ALLC: variants seen among roughly 807,000 people sequenced by gnomAD.
The protein encoded by ALLC is allantoicase, also known as probable inactive allantoicase.
ALLC carries 40 observed loss-of-function variants against 45.0 expected under a neutral mutation model. That is an observed-to-expected ratio of 0.89 (90% CI 0.69 to 1.16). The LOEUF (loss-of-function observed/expected upper bound fraction) is 1.16. ALLC is among the 50% of genes most tolerant of loss of function. The probability of loss-of-function intolerance (pLI) is 0.00; values close to 1 mark genes in which losing one functional copy is unlikely to be tolerated. For missense variants in ALLC, 488 were observed against 493.1 expected (o/e 0.99, Z 0.10); for synonymous variants, 176 against 178.1 (o/e 0.99, Z 0.09).
chr2:3,660,823 G>A (rs1442023073), intron 1 of ALLC, among the ~76,000 whole-genome samples: 2 of 151,292 alleles, frequency 1.3e-5, no homozygotes, highest in Non-Finnish European at 3.0e-5. Flanking sequence ...GCAGGAAATC[G>A]GAATGAGTCA....
At chr2:3,650,253 A>G in the ALLC span, among the ~76,000 whole-genome samples, 1 of 152,168 alleles carries the variant, frequency 6.6e-6, no homozygotes, top group African/African-American at 2.4e-5. Flanking sequence ...GGAATTAGAT[A>G]GCAAAGCCCT....
chr2:3,690,103 T>C (rs1173169493), intron 7 of ALLC, among the ~76,000 whole-genome samples: 1 of 149,154 alleles, frequency 6.7e-6, no homozygotes, highest in African/African-American at 2.4e-5. Flanking sequence ...GTGGGTTTCT[T>C]GTAGGCAGCA....
At chr2:3,682,380 T>A (rs933249344) in intron 6 of ALLC, among the ~76,000 whole-genome samples, 1 of 152,316 alleles carries the variant, frequency 6.6e-6, no homozygotes, top group South Asian at 2.1e-4. Context: ...TGTCCTTCAT[T>A]TGCAAGCATC....
the ALLC span, among the ~76,000 whole-genome samples, chr2:3,651,237 G>T: frequency 6.6e-6 from 1 of 150,476 alleles, no homozygotes; most frequent in Non-Finnish European, 1.5e-5. Flanking sequence ...ACACAGGCGC[G>T]GGGAGGTTTG....
chr2:3,671,055 C>G, intron 1 of ALLC, 41 bp from the exon 2 acceptor site: 3 of 1,277,748 alleles, frequency 2.3e-6, no homozygotes, highest in Non-Finnish European at 3.3e-6. Flanking sequence ...CACTCACTCC[C>G]GCAGCCCCCA....
rs2147997939 is a variant in ALLC at position 3,671,146 on chromosome 2, T to C, written c.-12T>C. The C allele has an allele frequency of 3.1e-6, 5 of 1,610,776 alleles. No individual in the cohort carries two copies. The highest frequency in any genetic ancestry group is 4.2e-6 in the Non-Finnish European group (5 of 1,178,658). On this transcript the variant is annotated 5_prime_UTR_variant, in exon 2 of 12. Transcript: ENST00000252505. ...GGGAAGACTGACCCGGTTTCTGGAC[T>C]TCACCCAGCTGATGGACATGGCATC...
chr2:3,681,371 G>A (rs1281251905), intron 5 of ALLC, among the ~76,000 whole-genome samples: 1 of 152,176 alleles, frequency 6.6e-6, no homozygotes, highest in Non-Finnish European at 1.5e-5. Flanking sequence ...ACTTGTTGAA[G>A]TTTGAGCTAA....
chr2:3,695,773 A>G lies in ALLC; in HGVS notation c.568A>G (p.Thr190Ala). ...FGTGQKDWTA[T>A]DPKEPADLVA... ...TACTGGACAAAAAGACTGGACTGCA[A>G]CTGACCCCAAAGAACCTGCAGACCT... Residue 190 changes from threonine (T) to alanine (A), a missense_variant, in exon 8 of 12, where the codon ACT becomes GCT. Transcript: ENST00000252505. 2 of 1,614,064 alleles carry G rather than the reference A, an allele frequency of 1.2e-6. No homozygotes were observed. The highest frequency in any genetic ancestry group is 1.7e-6 in the Non-Finnish European group (2 of 1,179,904).
intron 7 of ALLC, among the ~76,000 whole-genome samples, chr2:3,693,416 G>A (rs1467474309): frequency 6.6e-6 from 1 of 152,220 alleles, no homozygotes; most frequent in African/African-American, 2.4e-5. Flanking sequence ...AACAGTGCAA[G>A]AAAATGAATG....
chr2:3,690,094 T>C (rs1330128813), intron 7 of ALLC, among the ~76,000 whole-genome samples: 1 of 149,096 alleles, frequency 6.7e-6, no homozygotes, highest in Non-Finnish European at 1.5e-5. Context: ...ATAGGTCAAG[T>C]GGGTTTCTTG....
intron 7 of ALLC, among the ~76,000 whole-genome samples, chr2:3,693,718 G>A (rs1277602379): frequency 6.6e-6 from 1 of 152,178 alleles, no homozygotes; most frequent in African/African-American, 2.4e-5. Flanking sequence ...TAACCCAGTG[G>A]GAGACAGATA....
upstream of ALLC, among the ~76,000 whole-genome samples, chr2:3,656,497 CAG>C (rs373208671): frequency 4.7e-4 from 71 of 152,378 alleles, no homozygotes; most frequent in African/African-American, 1.6e-3. Flanking sequence ...CCTCATAAGA[CAG>C]AGCATCCAAA....
At chr2:3,660,906 C>CTGAATGAGTCAGGGTGGAGCAGGTG (rs1558532936) in intron 1 of ALLC, among the ~76,000 whole-genome samples, 5 of 151,776 alleles carry the variant, frequency 3.3e-5, no homozygotes, top group South Asian at 2.1e-4. Flanking sequence ...AGCAGGTGAT[C>CTGAATGAGTCAGGGTGGAGCAGGTG]AAAAAAGGTT....
the ALLC span, among the ~76,000 whole-genome samples, chr2:3,650,792 AG>A: frequency 6.6e-6 from 1 of 152,112 alleles, no homozygotes; most frequent in Non-Finnish European, 1.5e-5. Context: ...GGCTTCATGG[AG>A]GGGAGTCTGT....
chr2:3,701,687 TA>T, intron 11 of ALLC, 51 bp downstream of exon 11: 2 of 1,548,898 alleles, frequency 1.3e-6, no homozygotes, highest in Non-Finnish European at 1.8e-6. Context: ...GCTATTTCCC[TA>T]AGATTCTCTT....
Position 3,678,513 on chromosome 2 carries a change from A to AAATG in ALLC, c.131_134dup (p.Trp45Ter). The stretch of plus-strand genomic sequence containing the variant: ...AGAGCATGAATATACGGAGTTTGGG[A>AAATG]AATGGATGGATGGCTGGGAGACCAG... On this transcript the variant is annotated stop_gained and frameshift_variant, in exon 4 of 12. Coordinates refer to ENST00000252505, the MANE Select transcript of ALLC (RefSeq NM_018436.4). LOFTEE classifies it high-confidence loss of function. 11 of 1,614,048 alleles carry AAATG rather than the reference A, an allele frequency of 6.8e-6. No homozygotes were observed. In the Middle Eastern group the frequency reaches 1.8e-3, roughly 266 times the overall value.
At chr2:3,651,374 T>G in the ALLC span, among the ~76,000 whole-genome samples, 1 of 10,086 alleles carries the variant, frequency 9.9e-5, no homozygotes, top group Admixed American at 1.4e-3. Context: ...TGTGTGTGTG[T>G]GTGTGTGTGT....
In ALLC at chr2:3,676,280, T is replaced by C. The variant is rs150177533; in HGVS notation, c.84+2155T>C. 4.6e-5 allele frequency among the ~76,000 whole-genome samples: 7 copies of C among 152,296 alleles called. No homozygotes were observed. In the East Asian group the frequency reaches 1.3e-3, roughly 29 times the overall value. On this transcript the variant is annotated intron_variant, in intron 3 of 11. Coordinates refer to ENST00000252505, the MANE Select transcript of ALLC (RefSeq NM_018436.4). ...ACAAAGCACTTAGCATTCTGCACAC[T>C]TTTTTTGGTGGGGGTGGGGCAGGAT...
intron 10 of ALLC, among the ~76,000 whole-genome samples, 175 bp downstream of exon 10, chr2:3,697,631 C>A (rs983179617): frequency 6.8e-6 from 1 of 148,064 alleles, no homozygotes; most frequent in African/African-American, 2.6e-5. Context: ...GTCTATCTAT[C>A]TATCTATCTA....
Sources: allele counts gnomAD v4.1 joint callset (sites outside exome capture counted in the v4.1 genomes callset), GRCh38; gene constraint gnomAD v4.1.1; transcripts MANE v1.5; gene names NCBI Gene and HGNC (gene_info 2026-07-23, HGNC 2026-07-21).